Variants in C4orf17 observed in about 807,000 individuals in gnomAD.
The protein encoded by C4orf17 is uncharacterized protein C4orf17.
A neutral mutation model predicts 32.0 loss-of-function variants in C4orf17; 25 were observed. The observed-to-expected ratio is 0.78, with a 90% CI of 0.57 to 1.09. The LOEUF (loss-of-function observed/expected upper bound fraction) is 1.09. C4orf17 is among the 50% of genes least tolerant of loss of function. The probability of loss-of-function intolerance (pLI) is 0.00; values close to 1 mark genes in which losing one functional copy is unlikely to be tolerated. For missense variants in C4orf17, 420 were observed against 420.0 expected (o/e 1.00, Z 0.00); for synonymous variants, 149 against 145.8 (o/e 1.02, Z -0.16).
intron 5 of C4orf17, among the ~76,000 whole-genome samples, chr4:99,534,347 A>G (rs577113493): frequency 2.0e-5 from 3 of 152,324 alleles, no homozygotes; most frequent in African/African-American, 7.2e-5. Flanking sequence ...TCCATGGTGT[A>G]TATGTATCAC....
intron 3 of C4orf17, among the ~76,000 whole-genome samples, chr4:99,524,318 C>T (rs982397631): frequency 6.6e-6 from 1 of 152,078 alleles, no homozygotes; most frequent in African/African-American, 2.4e-5. Flanking sequence ...TCATCTTGGG[C>T]ATAGAACTAG....
chr4:99,527,850 A>G (rs1382527961), intron 4 of C4orf17, among the ~76,000 whole-genome samples: 1 of 152,116 alleles, frequency 6.6e-6, no homozygotes. Context: ...TTCCATTTCT[A>G]CCAGTTTTTA....
At chr4:99,531,278 G>A (rs1723473033) in intron 5 of C4orf17, among the ~76,000 whole-genome samples, 1 of 151,966 alleles carries the variant, frequency 6.6e-6, no homozygotes, top group African/African-American at 2.4e-5. Context: ...CAGTGCCTAG[G>A]TGAGTGCTGG....
At chr4:99,532,268 A>G (rs1372993621) in intron 5 of C4orf17, among the ~76,000 whole-genome samples, 1 of 152,164 alleles carries the variant, frequency 6.6e-6, no homozygotes, top group East Asian at 1.9e-4. Flanking sequence ...TATCACAGCA[A>G]TATTCACAAT....
intron 2 of C4orf17, chr4:99,519,288 G>C (rs1304549209): frequency 6.6e-6 from 1 of 152,208 alleles, no homozygotes; most frequent in Non-Finnish European, 1.5e-5. Flanking sequence ...CCTAGAGAGG[G>C]ACTCAGAATG....
Position 99,522,602 on chromosome 4 carries a change from C to T in C4orf17, c.230C>T (p.Pro77Leu), listed in dbSNP as rs558728900. The change falls in exon 3 of 9, where the codon CCA (proline) becomes CTA (leucine). Residue 77 changes from proline (P) to leucine (L), a missense_variant. Transcript: ENST00000326581. ...QSNYLEKNRI[P>L]FANCSYPSST... ...AACTACTTAGAGAAGAACAGGATACCATTTGCCAATTGCAGTTACCCCTCC... is the reference window on the plus strand; with the variant it reads ...AACTACTTAGAGAAGAACAGGATACTATTTGCCAATTGCAGTTACCCCTCC... The T allele has an allele frequency of 6.2e-7, 1 of 1,613,754 alleles. No homozygotes were observed. Among genetic ancestry groups the T allele is most frequent in the Non-Finnish European group, 8.5e-7 (1 of 1,179,824 alleles).
chr4:99,529,840 C>A lies in C4orf17; in HGVS notation c.428C>A (p.Pro143Gln). The A allele has an allele frequency of 6.2e-7, 1 of 1,610,584 alleles. No homozygotes were observed. Among genetic ancestry groups the A allele is most frequent in the Non-Finnish European group, 8.5e-7 (1 of 1,178,332 alleles). The change falls in exon 5 of 9, where the codon CCA becomes CAA. Residue 143 changes from proline (P) to glutamine (Q), a missense_variant. By Grantham distance (76) the Pro-to-Gln change is moderately conservative. Transcript: ENST00000326581. Reference sequence around the variant, plus strand: ...GAAGAAATTAAGGCCAAAAGACCACCATCACCTCCAAAGGCATGCTCTACT... The same window carrying A: ...GAAGAAATTAAGGCCAAAAGACCACAATCACCTCCAAAGGCATGCTCTACT... ...KKEEIKAKRPPSPPKACSTPG... is the reference protein window; with the variant it reads ...KKEEIKAKRPQSPPKACSTPG...
intron 2 of C4orf17, among the ~76,000 whole-genome samples, chr4:99,513,503 T>G (rs1027312188): frequency 4.6e-5 from 7 of 152,148 alleles, no homozygotes; most frequent in Non-Finnish European, 7.3e-5. Context: ...CTCAGGGAGC[T>G]CAGGGCAGGC....
intron 5 of C4orf17, 27 bp from the exon 6 acceptor site, chr4:99,537,642 A>G: frequency 5.2e-6 from 8 of 1,527,134 alleles, no homozygotes; most frequent in South Asian, 1.1e-5. Context: ...TTATTTGCTC[A>G]TATGTAACTC....
chr4:99,537,776 A>AC, intron 6 of C4orf17, 26 bp downstream of exon 6: 1 of 1,511,220 alleles, frequency 6.6e-7, no homozygotes, highest in Non-Finnish European at 9.2e-7. Context: ...AAATTTTAAA[A>AC]CACTGAGCTC....
intron 5 of C4orf17, among the ~76,000 whole-genome samples, chr4:99,533,394 G>A (rs553869309): frequency 3.0e-4 from 46 of 152,236 alleles, no homozygotes; most frequent in African/African-American, 8.9e-4. Context: ...ATGATTTTCA[G>A]GTACTGGGCA....
Position 99,529,937 on chromosome 4 carries a change from C to A in C4orf17, c.525C>A (p.Asn175Lys). The change falls in exon 5 of 9, where the codon AAC becomes AAA. Residue 175 changes from asparagine (N) to lysine (K), a missense_variant. Coordinates refer to ENST00000326581, the MANE Select transcript of C4orf17 (RefSeq NM_032149.3). ...DVKANTICIPNYLDQEIKILA... is the reference protein window; with the variant it reads ...DVKANTICIPKYLDQEIKILA... ...AAGCAAACACCATTTGCATACCAAA[C>A]TATCTGGATCAGGAAATAAAAGTAA... The A allele has an allele frequency of 6.2e-7, 1 of 1,609,824 alleles. No individual in the cohort carries two copies. Among genetic ancestry groups the A allele is most frequent in the Non-Finnish European group, 8.5e-7 (1 of 1,178,334 alleles).
At chr4:99,522,179 T>G (rs1283126757) in intron 2 of C4orf17, among the ~76,000 whole-genome samples, 9 of 152,146 alleles carry the variant, frequency 5.9e-5, no homozygotes, top group African/African-American at 1.9e-4. Context: ...CTTTGGGAAG[T>G]GTGAGATTTG....
chr4:99,512,999 C>A lies in C4orf17; in HGVS notation c.-83C>A. On this transcript the variant is annotated 5_prime_UTR_variant, in exon 2 of 9. Coordinates refer to ENST00000326581, the MANE Select transcript of C4orf17 (RefSeq NM_032149.3). ...ATTTTGTGATTTCAGGGTCTGAGCA[C>A]ATCTGGAAGTGAGGTCAATCAAGTT... 3 of 1,458,438 alleles carry A rather than the reference C, an allele frequency of 2.1e-6. No homozygotes were observed. Among genetic ancestry groups the A allele is most frequent in the South Asian group, 1.2e-5 (1 of 84,370 alleles). 90.3% of individuals were successfully genotyped at this position (1,458,438 alleles called of 1,614,324 possible). A position where few individuals can be genotyped will look rare whatever the true frequency, so the allele number is the denominator to read the frequency against.
chr4:99,524,118 T>A (rs1723344843), intron 3 of C4orf17, among the ~76,000 whole-genome samples: 1 of 151,762 alleles, frequency 6.6e-6, no homozygotes, highest in Non-Finnish European at 1.5e-5. Flanking sequence ...TAGCTGGGAC[T>A]ACAGGCGCCC....
intron 7 of C4orf17, 47 bp from the exon 8 acceptor site, chr4:99,540,365 T>C (rs766149281): frequency 8.3e-6 from 12 of 1,444,502 alleles, no homozygotes; most frequent in African/African-American, 1.4e-5. Flanking sequence ...AGAAAATACT[T>C]TTTTGTATCT....
At chr4:99,530,231 C>T (rs746939155) in intron 5 of C4orf17, among the ~76,000 whole-genome samples, 1 of 152,074 alleles carries the variant, frequency 6.6e-6, no homozygotes, top group Non-Finnish European at 1.5e-5. Context: ...CTATTCTTTC[C>T]ATCTTTCGTT....
chr4:99,522,218 A>G (rs764248409), intron 2 of C4orf17, among the ~76,000 whole-genome samples: 32 of 152,296 alleles, frequency 2.1e-4, no homozygotes, highest in Middle Eastern at 6.8e-3. Context: ...CTCCACTTGA[A>G]TCCCAGACCA....
intron 2 of C4orf17, among the ~76,000 whole-genome samples, chr4:99,519,612 A>G (rs1723250694): frequency 6.6e-6 from 1 of 152,190 alleles, no homozygotes; most frequent in South Asian, 2.1e-4. Flanking sequence ...TTACTGACAG[A>G]TTTTAAATAG....
Sources: allele counts gnomAD v4.1 joint callset (sites outside exome capture counted in the v4.1 genomes callset), GRCh38; gene constraint gnomAD v4.1.1; transcripts MANE v1.5; gene names NCBI Gene and HGNC (gene_info 2026-07-23, HGNC 2026-07-21).